RBAK: variants seen among roughly 807,000 people sequenced by gnomAD.
RBAK encodes the protein RB associated KRAB zinc finger, also known as RB-associated KRAB zinc finger protein.
In RBAK, 39 loss-of-function variants were observed where a neutral mutation model predicts 65.8. The observed-to-expected ratio is 0.59, with a 90% CI of 0.46 to 0.77. The LOEUF (loss-of-function observed/expected upper bound fraction) is 0.77. Ranked by LOEUF, RBAK falls within the 30% of genes least tolerant of loss-of-function variation. RBAK has a pLI of 0.00. For missense variants in RBAK, 884 were observed against 855.1 expected, an observed-to-expected ratio of 1.03 and a Z score of -0.42; for synonymous variants, 343 against 289.7, an observed-to-expected ratio of 1.18 and a Z score of -1.87.
intron 2 of RBAK, among the ~76,000 whole-genome samples, chr7:5,051,115 C>T (rs1381126367): frequency 6.6e-6 from 1 of 151,954 alleles, no homozygotes; most frequent in Non-Finnish European, 1.5e-5. Context: ...GTTTCTGAGT[C>T]CTTTTGAAAT....
intron 2 of RBAK, among the ~76,000 whole-genome samples, chr7:5,051,987 T>C (rs1057514448): frequency 2.0e-4 from 31 of 152,210 alleles, no homozygotes; most frequent in African/African-American, 7.2e-4. Flanking sequence ...GGAGAGGGGA[T>C]TGAAATCTGC....
chr7:5,047,602 T>TC, intron 1 of RBAK, among the ~76,000 whole-genome samples: 2 of 85,124 alleles, frequency 2.3e-5, no homozygotes, highest in Non-Finnish European at 4.4e-5. Flanking sequence ...TTTCACTCTC[T>TC]TTTTTTTTTT....
intron 4 of RBAK, among the ~76,000 whole-genome samples, chr7:5,061,825 G>A (rs1779081534): frequency 6.6e-6 from 1 of 151,842 alleles, no homozygotes; most frequent in South Asian, 2.1e-4. Context: ...TTGAGCCTGA[G>A]AAGTGGAGGT....
At chr7:5,046,551 G>A (rs1035936214) in intron 1 of RBAK, among the ~76,000 whole-genome samples, 155 bp downstream of exon 1, 2 of 152,196 alleles carry the variant, frequency 1.3e-5, no homozygotes, top group Admixed American at 6.5e-5. Flanking sequence ...GCACCGAACA[G>A]GCGCTGCATG....
rs182268492 is a variant in RBAK, at chr7:5,067,837, G to T, written c.*2236G>T. The T allele has an allele frequency of 6.6e-6, 1 of 152,158 alleles. No homozygotes were observed. Among genetic ancestry groups the T allele is most frequent in the African/African-American group, 2.4e-5 (1 of 41,448 alleles). 9.4% of individuals were successfully genotyped at this position (152,158 alleles called of 1,614,324 possible). On this transcript the variant is annotated 3_prime_UTR_variant, in exon 5 of 5. Coordinates refer to ENST00000396912, the MANE Select transcript of RBAK (RefSeq NM_021163.4). ...ATTGAAGTGTAGTGGGGGAAAGGGT[G>T]TTCTTTCCAGTAAATGTACTTTGCC...
rs1297966357 is a variant in RBAK at position 5,066,198 on chromosome 7, G to A, written c.*597G>A. The stretch of plus-strand genomic sequence containing the variant: ...GTGAAGAGGCAGTTTTCTTATTTGA[G>A]TATTAGGATGGCAAAATGTATTAAG... On this transcript the variant is annotated 3_prime_UTR_variant, in exon 5 of 5. Coordinates refer to ENST00000396912, the MANE Select transcript of RBAK (RefSeq NM_021163.4). 6.6e-6 allele frequency: 1 copy of A among 152,564 alleles called. No individual in the cohort carries two copies. Among genetic ancestry groups the A allele is most frequent in the African/African-American group, 2.4e-5 (1 of 41,438 alleles). 9.5% of individuals were successfully genotyped at this position (152,564 alleles called of 1,614,324 possible). A position where few individuals can be genotyped will look rare whatever the true frequency, so the allele number is the denominator to read the frequency against.
rs956882859 is a variant in RBAK, at chr7:5,067,452, C to T, written c.*1851C>T. On this transcript the variant is annotated 3_prime_UTR_variant, in exon 5 of 5. Transcript: ENST00000396912. ...AAATGAGTTAATATGCTTTGAAGAA[C>T]TGTATCCAGAAAATAAAATTACAAA... is the stretch of plus-strand genomic sequence containing the variant. 5 of 152,146 alleles carry T rather than the reference C, an allele frequency of 3.3e-5. No homozygotes were observed. Among genetic ancestry groups the T allele is most frequent in the African/African-American group, 1.2e-4 (5 of 41,448 alleles). 9.4% of individuals were successfully genotyped at this position (152,146 alleles called of 1,614,324 possible). A position where few individuals can be genotyped will look rare whatever the true frequency, so the allele number is the denominator to read the frequency against.
intron 4 of RBAK, among the ~76,000 whole-genome samples, chr7:5,060,568 T>G (rs1055342123): frequency 2.0e-5 from 3 of 152,226 alleles, no homozygotes; most frequent in Admixed American, 6.5e-5. Flanking sequence ...GGGAAGAGAT[T>G]TGATAAATGT....
Position 5,065,534 on chromosome 7 carries a change from C to T in RBAK, c.2078C>T (p.Ala693Val), listed in dbSNP as rs753102802. Residue 693 changes from alanine (A) to valine (V), a missense_variant, in exon 5 of 5, where the codon GCC (alanine) becomes GTC (valine). Coordinates refer to ENST00000396912, the MANE Select transcript of RBAK (RefSeq NM_021163.4). The surrounding 1 kb of genome is among the most constrained non-coding windows in gnomAD (Gnocchi z 5.3). ...GGGAAAAAATTCCACCACAGATCAG[C>T]CTTCAATAGCCATCAGAGAATTCAT... ...ECGKKFHHRSAFNSHQRIHRR... is the reference protein window; with the variant it reads ...ECGKKFHHRSVFNSHQRIHRR... 5.4e-5 allele frequency: 86 copies of T among 1,585,780 alleles called. No individual in the cohort carries two copies. The highest frequency in any genetic ancestry group is 6.1e-5 in the Non-Finnish European group (71 of 1,167,956).
At chr7:5,062,081 C>T (rs575642894) in intron 4 of RBAK, among the ~76,000 whole-genome samples, 6 of 152,078 alleles carry the variant, frequency 3.9e-5, no homozygotes, top group Non-Finnish European at 5.9e-5. Context: ...GGAAGGGATG[C>T]CACCATCGTA....
In RBAK at chr7:5,045,931, G is replaced by C. The variant is rs1787965396; in HGVS notation, c.-510G>C. 5.9e-6 allele frequency: 2 copies of C among 341,584 alleles called. No individual in the cohort carries two copies. Among genetic ancestry groups the C allele is most frequent in the South Asian group, 2.1e-5 (1 of 46,584 alleles). 21.2% of individuals were successfully genotyped at this position (341,584 alleles called of 1,614,324 possible). On this transcript the variant is annotated 5_prime_UTR_variant, in exon 1 of 5. Coordinates refer to ENST00000396912, the MANE Select transcript of RBAK (RefSeq NM_021163.4). ...TCCCAGGCTTTGGCCTCCAGTGGAC[G>C]AGAATCGCGGAGCCTGCGGGGCTGG... is the stretch of plus-strand genomic sequence containing the variant.
intron 4 of RBAK, among the ~76,000 whole-genome samples, chr7:5,063,293 C>G (rs566383444): frequency 6.6e-6 from 1 of 152,342 alleles, no homozygotes; most frequent in South Asian, 2.1e-4. Context: ...CACATTTGAT[C>G]TAAGTCCTCC....
chr7:5,051,455 A>G (rs1788115859), intron 2 of RBAK, among the ~76,000 whole-genome samples: 3 of 152,192 alleles, frequency 2.0e-5, no homozygotes, highest in African/African-American at 7.2e-5. Flanking sequence ...TTTCTATTAA[A>G]TACCCATAGC....
chr7:5,047,345 G>T (rs1788011583), intron 1 of RBAK, among the ~76,000 whole-genome samples: 1 of 152,184 alleles, frequency 6.6e-6, no homozygotes, highest in African/African-American at 2.4e-5. Flanking sequence ...GCTGCAGTGA[G>T]CTGTGAATGC....
chr7:5,063,702 G>C lies in RBAK; in HGVS notation c.246G>C (p.Trp82Cys), dbSNP rs760493837. The C allele has an allele frequency of 3.1e-6, 5 of 1,598,216 alleles. No individual in the cohort carries two copies. The highest frequency in any genetic ancestry group is 1.7e-4 in the Middle Eastern group (1 of 5,986). The change falls in exon 5 of 5, where the codon TGG becomes TGC. Residue 82 changes from tryptophan (W) to cysteine (C), a missense_variant. Transcript: ENST00000396912. ...EFPCQHSPEA[W>C]RVDDLIERIQ... Reference sequence around the variant, plus strand: ...ACTATTTTTCCTTTTTAGAAGCCTGGAGAGTTGATGACCTGATAGAGAGAA... The same window carrying C: ...ACTATTTTTCCTTTTTAGAAGCCTGCAGAGTTGATGACCTGATAGAGAGAA...
At chr7:5,053,130 C>G (rs1788153136) in intron 2 of RBAK, among the ~76,000 whole-genome samples, 1 of 152,166 alleles carries the variant, frequency 6.6e-6, no homozygotes, top group African/African-American at 2.4e-5. Context: ...CTCTTCATTC[C>G]TTTGTGTAAA....
rs776706748 is a variant in RBAK at position 5,063,809 on chromosome 7, T to G, written c.353T>G (p.Phe118Cys). The part of the protein sequence containing the change: ...KTLTEEKENT[F>C]SQIYMETSLV... ...CTGACTGAAGAGAAAGAGAATACAT[T>G]TAGTCAAATTTACATGGAAACAAGC... The change falls in exon 5 of 5, where the codon TTT becomes TGT. Residue 118 changes from phenylalanine (F) to cysteine (C), a missense_variant. Transcript: ENST00000396912. The G allele has an allele frequency of 3.1e-6, 5 of 1,613,874 alleles. No individual in the cohort carries two copies. The African/African-American group carries it at 6.7e-5, about 22-fold the overall frequency.
chr7:5,064,850 C>G lies in RBAK; in HGVS notation c.1394C>G (p.Thr465Ser). 6.2e-7 allele frequency: 1 copy of G among 1,613,446 alleles called. No individual in the cohort carries two copies. The highest frequency in any genetic ancestry group is 8.5e-7 in the Non-Finnish European group (1 of 1,179,676). Residue 465 changes from threonine (T) to serine (S), a missense_variant, in exon 5 of 5, where the codon ACC (threonine) becomes AGC (serine). Coordinates refer to ENST00000396912, the MANE Select transcript of RBAK (RefSeq NM_021163.4). The surrounding 1 kb of genome is among the most constrained non-coding windows in gnomAD (Gnocchi z 6.3). ...TATGAATGTAATGAATGTGGCAAAA[C>G]CTTCAATTTAAATTCAGCCTTCATT... ...KPYECNECGK[T>S]FNLNSAFIRH...
chr7:5,047,073 CT>C lies in RBAK; in HGVS notation c.-45+679del, dbSNP rs904772881. ...GAGCTCACATACTCAATTCCTATGG[CT>C]TCTTTGATTTTAAGCAGTTTAAAGA... On this transcript the variant is annotated intron_variant, in intron 1 of 4. Transcript: ENST00000396912. Among the ~76,000 whole-genome samples the C allele has an allele frequency of 7.9e-5, 12 of 152,178 alleles. 1 individual carries two copies.
Sources: gnomAD v4.1 joint callset for allele counts (sites outside exome capture counted in the v4.1 genomes callset) on GRCh38, gnomAD v4.1.1 for gene constraint, Gnocchi (gnomAD v3.1) non-coding constraint, MANE v1.5 for transcripts, NCBI Gene and HGNC (gene_info 2026-07-23, HGNC 2026-07-21) for gene names.